Variants in PXDC1 observed in about 807,000 individuals in gnomAD.
The protein encoded by PXDC1 is PX domain containing 1, also known as PX domain-containing protein 1.
A neutral mutation model predicts 24.4 loss-of-function variants in PXDC1; 13 were observed. The ratio of observed to expected loss-of-function variants is 0.53; its 90% CI spans 0.35 to 0.85. The LOEUF is 0.85. Among genes scored for constraint, PXDC1 ranks in the 40% least tolerant of loss-of-function variants. The pLI is 0.01. For missense variants in PXDC1, 344 were observed against 309.3 expected, an observed-to-expected ratio of 1.11 and a Z score of -0.84; for synonymous variants, 162 against 124.9, an observed-to-expected ratio of 1.30 and a Z score of -1.98.
chr6:3,748,555 C>G (rs138293580), intron 1 of PXDC1, among the ~76,000 whole-genome samples: 1 of 152,162 alleles, frequency 6.6e-6, no homozygotes, highest in African/African-American at 2.4e-5. Flanking sequence ...CCAAGCACCA[C>G]TCCACAGTGT....
intron 1 of PXDC1, among the ~76,000 whole-genome samples, chr6:3,746,383 G>C (rs1047551333): frequency 1.3e-5 from 2 of 152,222 alleles, no homozygotes; most frequent in Non-Finnish European, 2.9e-5. Flanking sequence ...GAAGAAAGAG[G>C]AAGAGGAGGC....
rs1178321281 is a variant in PXDC1 at position 3,750,934 on chromosome 6, G to T, written c.256+342C>A. Among the ~76,000 whole-genome samples the T allele has an allele frequency of 2.0e-5, 3 of 152,010 alleles. No individual in the cohort carries two copies. In the East Asian group the frequency reaches 5.8e-4, roughly 30 times the overall value. ...AGGTACCGGGCAGGGGGCTAGGGCCGGGCCGACCCTGTGAGCCGCTCAGCC... is the reference window on the plus strand; with the variant it reads ...AGGTACCGGGCAGGGGGCTAGGGCCTGGCCGACCCTGTGAGCCGCTCAGCC... On this transcript the variant is annotated intron_variant, in intron 1 of 4. Transcript: ENST00000380283.
intron 3 of PXDC1, among the ~76,000 whole-genome samples, chr6:3,732,730 AGTG>A (rs1205755337): frequency 6.6e-6 from 1 of 152,138 alleles, no homozygotes; most frequent in Non-Finnish European, 1.5e-5. Context: ...GGCGCCATCT[AGTG>A]GAGCTCCTGA....
At chr6:3,749,292 A>T (rs1760644096) in intron 1 of PXDC1, among the ~76,000 whole-genome samples, 1 of 151,204 alleles carries the variant, frequency 6.6e-6, no homozygotes, top group South Asian at 2.1e-4. Flanking sequence ...CAGCCGCTGG[A>T]CCTCACACTC....
Position 3,723,614 on chromosome 6 carries a change from G to C in PXDC1, c.*5C>G. 6.2e-7 allele frequency: 1 copy of C among 1,604,782 alleles called. No individual in the cohort carries two copies. Among genetic ancestry groups the C allele is most frequent in the Non-Finnish European group, 8.5e-7 (1 of 1,171,602 alleles). On this transcript the variant is annotated 3_prime_UTR_variant, in exon 5 of 5. Transcript: ENST00000380283. ...GCTGAGGCGGGGGAGGCCTGATAGA[G>C]AGGTTCAGTCCCAAATGTCTGTCTC... is the stretch of plus-strand genomic sequence containing the variant.
At position 3,737,585 on chromosome 6, in the gene PXDC1, A is replaced by G; in HGVS notation, c.349-389T>C. The G allele has an allele frequency of 9.1e-6, 8 of 877,140 alleles. No individual in the cohort carries two copies. The highest frequency in any genetic ancestry group is 1.1e-5 in the Non-Finnish European group (8 of 730,958). The allele number at this position is 877,140 out of a possible 1,614,324, so 54.3% of individuals were successfully genotyped here. On this transcript the variant is annotated intron_variant, in intron 2 of 4. Coordinates refer to ENST00000380283, the MANE Select transcript of PXDC1 (RefSeq NM_183373.4). The surrounding 1 kb of genome is among the most constrained non-coding windows in gnomAD (Gnocchi z 5.5). ...CCTGGCGCTCAAGTCCAGGTTCTTA[A>G]CCACCACTCACGACGAAGCCCGCAG...
intron 1 of PXDC1, among the ~76,000 whole-genome samples, chr6:3,749,954 T>C (rs1193029941): frequency 1.3e-5 from 2 of 152,230 alleles, no homozygotes; most frequent in Non-Finnish European, 2.9e-5. Context: ...TAAAATATCA[T>C]AACAAACAGC....
In PXDC1 at chr6:3,737,149, C is replaced by T; in HGVS notation, c.396G>A (p.Leu132=). Residue 132 remains leucine (L), a synonymous_variant, in exon 3 of 5, where the codon CTG becomes CTA. Coordinates refer to ENST00000380283, the MANE Select transcript of PXDC1 (RefSeq NM_183373.4). This position sits in a 1 kb window ranked among gnomAD's most constrained non-coding sequence, Gnocchi z 5.5. ...CATTATCATTTTTTAACACCTGATC[C>T]AGAGGAGATCTTTCGAAGAAGGTGA... ...VVLTFFERSP[L]DQVLKNDNVH... is the part of the protein sequence containing the mutation. The T allele has an allele frequency of 1.2e-6, 2 of 1,613,790 alleles. No homozygotes were observed. The highest frequency in any genetic ancestry group is 1.1e-5 in the South Asian group (1 of 91,074).
intron 1 of PXDC1, among the ~76,000 whole-genome samples, chr6:3,748,703 G>C (rs549441444): frequency 6.6e-6 from 1 of 152,308 alleles, no homozygotes; most frequent in African/African-American, 2.4e-5. Context: ...CTCCAAGGGT[G>C]TGCAGACACT....
chr6:3,747,158 C>T (rs527571066), intron 1 of PXDC1, among the ~76,000 whole-genome samples: 5 of 152,062 alleles, frequency 3.3e-5, no homozygotes, highest in South Asian at 2.1e-4. Flanking sequence ...CTCCTCCTGC[C>T]GACTCCCCCA....
chr6:3,730,930 C>T (rs1348800967), intron 3 of PXDC1, among the ~76,000 whole-genome samples: 2 of 152,222 alleles, frequency 1.3e-5, no homozygotes, highest in Non-Finnish European at 2.9e-5. Flanking sequence ...GAGCAGGTTA[C>T]TTCTTGCTCA....
chr6:3,743,493 A>G (rs1760495549), intron 1 of PXDC1, among the ~76,000 whole-genome samples: 1 of 152,156 alleles, frequency 6.6e-6, no homozygotes, highest in Non-Finnish European at 1.5e-5. Flanking sequence ...GGAGACACAC[A>G]TTCTTTAAAG....
intron 1 of PXDC1, among the ~76,000 whole-genome samples, chr6:3,740,476 C>A (rs1207399057): frequency 6.6e-6 from 1 of 152,178 alleles, no homozygotes; most frequent in Non-Finnish European, 1.5e-5. Flanking sequence ...ACTTTGGGTC[C>A]GGTATTTTAT....
chr6:3,738,135 T>C lies in PXDC1; in HGVS notation c.270A>G (p.Ile90Met), dbSNP rs377260430. ...TGGTCTCTATGTCGTGGGCTTCCTT[T>C]ATGGCAACCAGTCCTAGAATTGAGA... ...QGPLRQGLVA[I>M]KEAHDIETRL... Residue 90 changes from isoleucine (I) to methionine (M), a missense_variant, in exon 2 of 5, where the codon ATA becomes ATG. Transcript: ENST00000380283. 55 of 1,613,670 alleles carry C rather than the reference T, an allele frequency of 3.4e-5. No individual in the cohort carries two copies. Among genetic ancestry groups the C allele is most frequent in the Non-Finnish European group, 4.2e-5 (50 of 1,179,748 alleles).
At position 3,745,961 on chromosome 6, in the gene PXDC1, G is replaced by A. The variant is rs544924227; in HGVS notation, c.256+5315C>T. Among the ~76,000 whole-genome samples, 6 of 152,336 alleles carry A rather than the reference G, an allele frequency of 3.9e-5. No homozygotes were observed. The South Asian group carries it at 1.2e-3, about 32-fold the overall frequency. ...GATGTCCCCATTTCCTGTGGGATGG[G>A]GCAAGAGGGGGCACAGCTAGAGGTG... On this transcript the variant is annotated intron_variant, in intron 1 of 4. Transcript: ENST00000380283.
chr6:3,750,470 G>C (rs1479764206), intron 1 of PXDC1, among the ~76,000 whole-genome samples: 1 of 147,326 alleles, frequency 6.8e-6, no homozygotes, highest in East Asian at 2.0e-4. Flanking sequence ...CCTCCACCCC[G>C]CAATTCTTCC....
At position 3,727,859 on chromosome 6, in the gene PXDC1, GCAGGAGC is replaced by G. The variant is rs557452916; in HGVS notation, c.467-204_467-198del. On this transcript the variant is annotated intron_variant, in intron 3 of 4. Transcript: ENST00000380283. ...AAAGTCAGGGAAGAGGTCAATCCCC[GCAGGAGC>G]CAGGCCTGCTGTGTGTCTCTCCCAA... Among the ~76,000 whole-genome samples the G allele has an allele frequency of 3.0e-3, 451 of 152,212 alleles. 1 individual carries two copies. Among genetic ancestry groups the G allele is most frequent in the Non-Finnish European group, 4.5e-3 (305 of 68,010 alleles).
rs1434346343 is a variant in PXDC1 at position 3,724,056 on chromosome 6, G to A, written c.579-320C>T. 6.6e-6 allele frequency among the ~76,000 whole-genome samples: 1 copy of A among 152,206 alleles called. No individual in the cohort carries two copies. Among genetic ancestry groups the A allele is most frequent in the East Asian group, 1.9e-4 (1 of 5,194 alleles). On this transcript the variant is annotated intron_variant, in intron 4 of 4. Coordinates refer to ENST00000380283, the MANE Select transcript of PXDC1 (RefSeq NM_183373.4). The surrounding 1 kb of genome is among the most constrained non-coding windows in gnomAD (Gnocchi z 4.5). ...AGGCTGTGGGATCAGCAGTGAACAA[G>A]GCAGGCAGGGTCTGTCCTCAGGGAA...
At chr6:3,750,446 T>G (rs1760677672) in intron 1 of PXDC1, among the ~76,000 whole-genome samples, 1 of 149,856 alleles carries the variant, frequency 6.7e-6, no homozygotes, top group African/African-American at 2.5e-5. Context: ...GCGGCCCCTC[T>G]CCTCGGCCTG....
Sources: gnomAD v4.1 joint callset for allele counts (sites outside exome capture counted in the v4.1 genomes callset) on GRCh38, gnomAD v4.1.1 for gene constraint, Gnocchi (gnomAD v3.1) non-coding constraint, MANE v1.5 for transcripts, NCBI Gene and HGNC (gene_info 2026-07-23, HGNC 2026-07-21) for gene names.